The following GLI3 variants were observed in gnomAD, a reference collection of about 807,000 sequenced individuals.
GLI3 encodes the protein GLI family zinc finger 3.
Under a neutral mutation model 100.8 loss-of-function variants are expected in GLI3, and 20 were observed. The ratio of observed to expected loss-of-function variants is 0.20; its 90% confidence interval spans 0.14 to 0.29. The LOEUF (loss-of-function observed/expected upper bound fraction) is 0.29. GLI3 is among the 10% of genes least tolerant of loss of function. The pLI, the probability that GLI3 is intolerant of heterozygous loss-of-function variation, is 1.00. For missense variants in GLI3, 2,040 were observed against 2,128.5 expected (o/e 0.96, Z 0.82); for synonymous variants, 938 against 860.5 (o/e 1.09, Z -1.58).
At chr7:42,180,865 C>T (rs1252536077) in intron 2 of GLI3, among the ~76,000 whole-genome samples, 1 of 152,252 alleles carries the variant, frequency 6.6e-6, no homozygotes, top group Non-Finnish European at 1.5e-5. Context: ...GGAAATCTCA[C>T]ATCTACTCTA....
chr7:42,177,665 T>C (rs1409327192), intron 2 of GLI3, among the ~76,000 whole-genome samples: 1 of 152,160 alleles, frequency 6.6e-6, no homozygotes, highest in Non-Finnish European at 1.5e-5. Flanking sequence ...TCAAAGGTTA[T>C]GGGGACTGAA....
chr7:42,058,005 G>A (rs1028548095), intron 4 of GLI3, among the ~76,000 whole-genome samples: 6 of 151,894 alleles, frequency 4.0e-5, no homozygotes, highest in African/African-American at 1.5e-4. Context: ...CTTCATCCAT[G>A]TAACCAAAAA....
Position 42,210,337 on chromosome 7 carries a change from A to AG in GLI3, c.124+12792dup, listed in dbSNP as rs1788242795. Among the ~76,000 whole-genome samples, 5 of 74,038 alleles carry AG rather than the reference A, an allele frequency of 6.8e-5. No homozygotes were observed. The South Asian group carries it at 4.4e-3, about 66-fold the overall frequency. The allele number at this position is 74,038 out of a possible 152,430, so 48.6% of individuals were successfully genotyped here. ...TCCCTCACTTCTATTCAAAAATGAA[A>AG]GCCCCCCCCCCCCCCCCAAGTTAAA... On this transcript the variant is annotated intron_variant, in intron 2 of 14. Transcript: ENST00000395925.
chr7:42,200,756 T>C lies in GLI3; in HGVS notation c.124+22374A>G, dbSNP rs142050050. Among the ~76,000 whole-genome samples, 193 of 152,170 alleles carry C rather than the reference T, an allele frequency of 1.3e-3. 1 individual carries two copies. Among genetic ancestry groups the C allele is most frequent in the African/African-American group, 4.4e-3 (182 of 41,526 alleles). ...AGCTCCCTCACGACTTCTTGGGCAC[T>C]GTGGGCAAATCATGAGACAGAAGAC... On this transcript the variant is annotated intron_variant, in intron 2 of 14. Coordinates refer to ENST00000395925, the MANE Select transcript of GLI3 (RefSeq NM_000168.6).
intron 4 of GLI3, among the ~76,000 whole-genome samples, chr7:42,054,654 T>A (rs1158861374): frequency 6.6e-6 from 1 of 152,136 alleles, no homozygotes; most frequent in South Asian, 2.1e-4. Flanking sequence ...AATTATTCAA[T>A]AAATACCATT....
chr7:42,207,134 A>G (rs1210164896), intron 2 of GLI3, among the ~76,000 whole-genome samples: 4 of 152,226 alleles, frequency 2.6e-5, no homozygotes, highest in African/African-American at 9.6e-5. Flanking sequence ...TAATATATGC[A>G]TACCCTAGGA....
chr7:42,196,708 A>C (rs1188519988), intron 2 of GLI3, among the ~76,000 whole-genome samples: 1 of 152,222 alleles, frequency 6.6e-6, no homozygotes, highest in East Asian at 1.9e-4. Flanking sequence ...CTGTTGGTAC[A>C]CTTGACAAGA....
At chr7:42,178,516 C>A (rs740339) in intron 2 of GLI3, among the ~76,000 whole-genome samples, 141 of 152,278 alleles carry the variant, frequency 9.3e-4, no homozygotes, top group Non-Finnish European at 1.7e-3. Context: ...TCATCACCCC[C>A]CTTCAAGAAG....
At chr7:42,080,310 C>T (rs1308381083) in intron 3 of GLI3, among the ~76,000 whole-genome samples, 9 of 152,192 alleles carry the variant, frequency 5.9e-5, no homozygotes, top group Non-Finnish European at 1.0e-4. Flanking sequence ...ATATGTGATG[C>T]ATCTCCTAAC....
chr7:42,113,546 G>A, intron 3 of GLI3: 1 of 1,189,322 alleles, frequency 8.4e-7, no homozygotes, highest in Non-Finnish European at 1.2e-6. Flanking sequence ...TGGCAAGGAG[G>A]GGAATAACCC....
At chr7:42,137,471 C>A (rs570289269) in intron 3 of GLI3, among the ~76,000 whole-genome samples, 1 of 152,264 alleles carries the variant, frequency 6.6e-6, no homozygotes, top group East Asian at 1.9e-4. Flanking sequence ...TCACGGCAAA[C>A]CTTTCAGTAG....
At chr7:42,184,646 C>T (rs570376786) in intron 2 of GLI3, among the ~76,000 whole-genome samples, 16 of 152,294 alleles carry the variant, frequency 1.1e-4, no homozygotes, top group South Asian at 2.1e-4. Flanking sequence ...CATCATGATG[C>T]CCAACCCAGA....
At chr7:42,121,550 T>G (rs1305589232) in intron 3 of GLI3, among the ~76,000 whole-genome samples, 1 of 152,172 alleles carries the variant, frequency 6.6e-6, no homozygotes, top group Non-Finnish European at 1.5e-5. Context: ...GCTGACAACA[T>G]TATCTCCATG....
intron 1 of GLI3, among the ~76,000 whole-genome samples, chr7:42,254,611 C>T (rs1017942253): frequency 6.6e-6 from 1 of 152,180 alleles, no homozygotes; most frequent in Non-Finnish European, 1.5e-5. Flanking sequence ...GTTGGCTGAT[C>T]CTTGATCTGT....
chr7:42,177,256 TC>T (rs1787499050), intron 2 of GLI3, among the ~76,000 whole-genome samples: 1 of 151,948 alleles, frequency 6.6e-6, no homozygotes, highest in African/African-American at 2.4e-5. Context: ...TTGAGAAATA[TC>T]CCCTGATGCA....
intron 2 of GLI3, among the ~76,000 whole-genome samples, chr7:42,194,757 C>CCCTTTTTT (rs1787893636): frequency 2.4e-5 from 2 of 81,860 alleles, no homozygotes; most frequent in African/African-American, 1.4e-4. Context: ...CTCTCTCTGT[C>CCCTTTTTT]TCTTTTTTTT....
intron 10 of GLI3, among the ~76,000 whole-genome samples, chr7:42,004,574 A>G (rs1264120802): frequency 2.6e-5 from 4 of 151,902 alleles, no homozygotes; most frequent in Non-Finnish European, 4.4e-5. Context: ...TATGAGGTAA[A>G]TCAAGGTAGA....
chr7:42,077,654 T>C (rs894027277), intron 3 of GLI3, among the ~76,000 whole-genome samples: 2 of 151,824 alleles, frequency 1.3e-5, no homozygotes, highest in Non-Finnish European at 1.5e-5. Context: ...GGGTGTGTGC[T>C]CTTCCTTAAA....
intron 3 of GLI3, among the ~76,000 whole-genome samples, chr7:42,099,451 T>C (rs1465401259): frequency 6.6e-6 from 1 of 152,262 alleles, no homozygotes; most frequent in Non-Finnish European, 1.5e-5. Context: ...GTAAACATAT[T>C]TGTAATTTAC....
Sources: gnomAD v4.1 joint callset for allele counts (sites outside exome capture counted in the v4.1 genomes callset) on GRCh38, gnomAD v4.1.1 for gene constraint, MANE v1.5 for transcripts, NCBI Gene and HGNC (gene_info 2026-07-23, HGNC 2026-07-21) for gene names.